The following TRHDE variants were observed in gnomAD, a reference collection of about 807,000 sequenced individuals.
The protein encoded by TRHDE is thyrotropin-releasing hormone-degrading ectoenzyme.
Under a neutral mutation model 125.7 loss-of-function variants are expected in TRHDE, and 72 were observed. The observed-to-expected ratio is 0.57, with a 90% confidence interval of 0.47 to 0.70. The LOEUF (loss-of-function observed/expected upper bound fraction) is 0.70, where lower values mean the gene tolerates loss of function less well. Among genes scored for constraint, TRHDE ranks in the 30% least tolerant of loss-of-function variants. TRHDE has a pLI of 0.00. For missense variants in TRHDE, 1,110 were observed against 1,327.1 expected (o/e 0.84, Z 2.54); for synonymous variants, 509 against 509.1 (o/e 1.00, Z 0.00).
intron 6 of TRHDE, among the ~76,000 whole-genome samples, chr12:72,509,996 A>G (rs1878516998): frequency 6.6e-6 from 1 of 152,140 alleles, no homozygotes; most frequent in Non-Finnish European, 1.5e-5. Flanking sequence ...GGAAAGAAAG[A>G]TTGTGTTGCC....
chr12:72,324,833 A>G (rs1022515588), intron 2 of TRHDE, among the ~76,000 whole-genome samples: 4 of 152,140 alleles, frequency 2.6e-5, no homozygotes, highest in African/African-American at 9.7e-5. Flanking sequence ...ATCTTTAGGT[A>G]TGATTTTATA....
At chr12:72,285,365 A>C (rs1351200348) in intron 1 of TRHDE, among the ~76,000 whole-genome samples, 3 of 152,158 alleles carry the variant, frequency 2.0e-5, no homozygotes, top group Non-Finnish European at 1.5e-5. Context: ...CAAGCCTTTT[A>C]AAGAAATCGC....
In TRHDE at chr12:72,253,171, C is replaced by T. The variant is rs1308194164; in HGVS notation, n.280-124824C>T. Among the ~76,000 whole-genome samples the T allele has an allele frequency of 4.6e-5, 7 of 152,070 alleles. No individual in the cohort carries two copies. The East Asian group carries it at 1.3e-3, about 29-fold the overall frequency. On this transcript the variant is annotated intron_variant and non_coding_transcript_variant, in intron 2 of 4. Transcript: ENST00000548156. ...TGATGATATTAAGAGAGAGGACTTACTGTATATAGAAATGACATTGGTTTT... is the reference window on the plus strand; with the variant it reads ...TGATGATATTAAGAGAGAGGACTTATTGTATATAGAAATGACATTGGTTTT...
At chr12:72,311,783 C>A (rs1868554544) in intron 2 of TRHDE, among the ~76,000 whole-genome samples, 1 of 151,958 alleles carries the variant, frequency 6.6e-6, no homozygotes. Flanking sequence ...GCAAAATGGG[C>A]AATTGAGGGG....
At chr12:72,366,286 T>C (rs1287723586) in intron 2 of TRHDE, among the ~76,000 whole-genome samples, 1 of 152,108 alleles carries the variant, frequency 6.6e-6, no homozygotes, top group Non-Finnish European at 1.5e-5. Flanking sequence ...TCAGTGTGAA[T>C]ATAGCAAAGT....
intron 2 of TRHDE, among the ~76,000 whole-genome samples, chr12:72,310,023 A>G (rs757913062): frequency 1.3e-5 from 2 of 152,178 alleles, no homozygotes; most frequent in Non-Finnish European, 2.9e-5. Context: ...ACTAATGAAG[A>G]GTGGGTGTAC....
intron 5 of TRHDE, among the ~76,000 whole-genome samples, chr12:72,487,620 C>T (rs1877474771): frequency 6.6e-6 from 1 of 152,068 alleles, no homozygotes; most frequent in Admixed American, 6.6e-5. Flanking sequence ...TACCACTATA[C>T]TTACAAGAAA....
chr12:72,476,529 C>T (rs1037705404), intron 5 of TRHDE, among the ~76,000 whole-genome samples: 4 of 152,112 alleles, frequency 2.6e-5, no homozygotes, highest in Non-Finnish European at 5.9e-5. Flanking sequence ...TTGTGATATG[C>T]GTAAAAGCTT....
intron 3 of TRHDE, among the ~76,000 whole-genome samples, chr12:72,413,950 G>A (rs1468274828): frequency 1.3e-5 from 2 of 152,064 alleles, no homozygotes; most frequent in Admixed American, 6.6e-5. Flanking sequence ...ACAATAAAAT[G>A]AGATAAGTAT....
chr12:72,561,061 C>A (rs933141067), intron 7 of TRHDE, among the ~76,000 whole-genome samples: 23 of 152,182 alleles, frequency 1.5e-4, no homozygotes, highest in Admixed American at 1.5e-3. Flanking sequence ...TTATTCATAA[C>A]ACCTGATGGC....
intron 2 of TRHDE, among the ~76,000 whole-genome samples, chr12:72,144,199 G>A (rs912367196): frequency 6.6e-6 from 1 of 152,190 alleles, no homozygotes; most frequent in African/African-American, 2.4e-5. Flanking sequence ...CACCACAGAA[G>A]AGGTTGACTT....
intron 12 of TRHDE, among the ~76,000 whole-genome samples, chr12:72,597,709 GTATGTATATA>G (rs1451422862): frequency 0.15 from 8,778 of 56,906 alleles, 1,013 homozygotes; most frequent in East Asian, 0.41. Context: ...ATGTGTGTGT[GTATGTATATA>G]TATATATATA....
intron 5 of TRHDE, among the ~76,000 whole-genome samples, chr12:72,490,581 G>A (rs931096668): frequency 4.7e-5 from 7 of 149,132 alleles, no homozygotes; most frequent in Admixed American, 1.3e-4. Context: ...AGTGTTTGTC[G>A]ATGAGGAAAT....
intron 3 of TRHDE, among the ~76,000 whole-genome samples, chr12:72,381,395 GTT>G (rs61184961): frequency 5.1e-5 from 7 of 137,950 alleles, no homozygotes; most frequent in Non-Finnish European, 4.7e-5. Flanking sequence ...AGATACGAAA[GTT>G]TTTTTTTTTT....
chr12:72,200,247 G>T (rs992989005), intron 2 of TRHDE, among the ~76,000 whole-genome samples: 1 of 152,288 alleles, frequency 6.6e-6, no homozygotes, highest in South Asian at 2.1e-4. Flanking sequence ...GGTTTGTGTA[G>T]TATAGTAAGG....
chr12:72,539,876 G>A (rs966944553), intron 6 of TRHDE, among the ~76,000 whole-genome samples: 1 of 151,656 alleles, frequency 6.6e-6, no homozygotes, highest in Non-Finnish European at 1.5e-5. Context: ...AAAGCTACTC[G>A]GGCTTCCTAA....
At chr12:72,176,957 T>G (rs148800426) in intron 2 of TRHDE, among the ~76,000 whole-genome samples, 55 of 151,000 alleles carry the variant, frequency 3.6e-4, no homozygotes, top group Non-Finnish European at 6.9e-4. Context: ...TTTTTTTGTG[T>G]TTTTTTTTCC....
At chr12:72,345,003 C>T (rs1185759670) in intron 2 of TRHDE, among the ~76,000 whole-genome samples, 13 of 152,028 alleles carry the variant, frequency 8.6e-5, no homozygotes, top group Non-Finnish European at 1.8e-4. Flanking sequence ...ATAATTCCTA[C>T]GTGGTTGACA....
chr12:72,630,078 T>C (rs1389870159), intron 15 of TRHDE, among the ~76,000 whole-genome samples: 1 of 151,022 alleles, frequency 6.6e-6, no homozygotes, highest in African/African-American at 2.4e-5. Flanking sequence ...GTAGGAAAAT[T>C]AGAACTTTCA....
Sources: allele counts gnomAD v4.1 joint callset (sites outside exome capture counted in the v4.1 genomes callset), GRCh38; gene constraint gnomAD v4.1.1; transcripts MANE v1.5; gene names NCBI Gene and HGNC (gene_info 2026-07-23, HGNC 2026-07-21).